Variants in TTLL3 observed in about 807,000 individuals in gnomAD.
TTLL3 encodes the protein tubulin tyrosine ligase like 3.
In TTLL3, 63 loss-of-function variants were observed where a neutral mutation model predicts 75.2. That is an observed-to-expected ratio of 0.84 (90% CI 0.68 to 1.03). The LOEUF (loss-of-function observed/expected upper bound fraction) is 1.03, where lower values mean the gene tolerates loss of function less well. TTLL3 is among the 50% of genes least tolerant of loss of function. The probability of loss-of-function intolerance (pLI) is 0.00; values close to 1 mark genes in which losing one functional copy is unlikely to be tolerated. For synonymous variants in TTLL3, 393 were observed against 418.5 expected, an observed-to-expected ratio of 0.94 and a Z score of 0.74; for missense variants, 997 against 1,069.9, an observed-to-expected ratio of 0.93 and a Z score of 0.95.
At chr3:9,816,523 C>CTTTTCTTTTTTTTTTTTTTTTT (rs2079878083) in intron 5 of TTLL3, among the ~76,000 whole-genome samples, 1 of 103,992 alleles carries the variant, frequency 9.6e-6, no homozygotes, top group South Asian at 3.4e-4. Context: ...ACCTGGGTTT[C>CTTTTCTTTTTTTTTTTTTTTTT]TTTTTTTTTT....
intron 6 of TTLL3, 121 bp from the exon 7 acceptor site, chr3:9,818,699 TAG>T (rs1207033274): frequency 6.4e-7 from 1 of 1,561,948 alleles, no homozygotes; most frequent in African/African-American, 1.4e-5. Context: ...ACTCAGGCTC[TAG>T]AGTCAGAAAA....
intron 6 of TTLL3, 138 bp downstream of exon 6, chr3:9,817,897 A>G: frequency 9.0e-7 from 1 of 1,109,892 alleles, no homozygotes; most frequent in Non-Finnish European, 1.3e-6. Context: ...TCCACCCTCA[A>G]TCCTTATCCT....
intron 8 of TTLL3, among the ~76,000 whole-genome samples, chr3:9,824,523 G>A (rs1025387027): frequency 2.6e-5 from 4 of 152,050 alleles, no homozygotes; most frequent in Non-Finnish European, 4.4e-5. Context: ...TGATTCTCCT[G>A]CCTCAACCTC....
chr3:9,809,773 C>T, upstream of TTLL3: 1 of 371,814 alleles, frequency 2.7e-6, no homozygotes. Context: ...GGGTGAGGCC[C>T]CAGGTCATAA....
intron 11 of TTLL3, among the ~76,000 whole-genome samples, chr3:9,832,050 C>T (rs2081591998): frequency 6.8e-6 from 1 of 147,556 alleles, no homozygotes; most frequent in Admixed American, 6.9e-5. Flanking sequence ...CTTGGCCTCC[C>T]AGAGAGCCAC....
chr3:9,822,751 AT>A (rs1483452030), intron 8 of TTLL3, among the ~76,000 whole-genome samples: 2 of 140,782 alleles, frequency 1.4e-5, no homozygotes, highest in Non-Finnish European at 3.0e-5. Flanking sequence ...ATATTATAAT[AT>A]ATATAATACA....
chr3:9,818,763 G>A, intron 6 of TTLL3, 59 bp from the exon 7 acceptor site: 1 of 1,612,446 alleles, frequency 6.2e-7, no homozygotes, highest in Non-Finnish European at 8.5e-7. Flanking sequence ...TCAGGTTCTG[G>A]AACCAGAACA....
intron 8 of TTLL3, among the ~76,000 whole-genome samples, chr3:9,823,193 C>A (rs951204838): frequency 6.6e-6 from 1 of 151,974 alleles, no homozygotes; most frequent in Non-Finnish European, 1.5e-5. Context: ...ACCATCCTGG[C>A]TAACATGGTG....
Position 9,810,298 on chromosome 3 carries a change from A to C in TTLL3, c.-138A>C. 1 of 1,495,510 alleles carries C rather than the reference A, an allele frequency of 6.7e-7. No homozygotes were observed. The highest frequency in any genetic ancestry group is 1.3e-5 in the South Asian group (1 of 79,828). The allele number at this position is 1,495,510 out of a possible 1,614,324, so 92.6% of individuals were successfully genotyped here. A position where few individuals can be genotyped will look rare whatever the true frequency, so the allele number is the denominator to read the frequency against. ...TGCGCGCCGCCTCAGCGGCGCCTTC[A>C]AGACGCTGGTCCCAGGCACCCACGC... On this transcript the variant is annotated 5_prime_UTR_variant, in exon 1 of 14. Coordinates refer to ENST00000685419, the MANE Select transcript of TTLL3 (RefSeq NM_001387446.1). This position sits in a 1 kb window ranked among gnomAD's most constrained non-coding sequence, Gnocchi z 4.4.
In TTLL3 at chr3:9,835,646, G is replaced by C; in HGVS notation, c.*157G>C. On this transcript the variant is annotated 3_prime_UTR_variant, in exon 14 of 14. Coordinates refer to ENST00000685419, the MANE Select transcript of TTLL3 (RefSeq NM_001387446.1). ...TGAAGAAACTGAGTCTGAAAGAGGAGGCATGGCTTACCCAAGATCACGTGG... is the reference window on the plus strand; with the variant it reads ...TGAAGAAACTGAGTCTGAAAGAGGACGCATGGCTTACCCAAGATCACGTGG... 1.4e-6 allele frequency: 1 copy of C among 735,826 alleles called. No homozygotes were observed. The allele number at this position is 735,826 out of a possible 1,614,324, so 45.6% of individuals were successfully genotyped here. A position where few individuals can be genotyped will look rare whatever the true frequency, so the allele number is the denominator to read the frequency against.
chr3:9,826,193 C>T (rs2081022759), intron 9 of TTLL3, among the ~76,000 whole-genome samples: 2 of 152,184 alleles, frequency 1.3e-5, no homozygotes, highest in South Asian at 4.1e-4. Context: ...TGCAGTCATG[C>T]AGCTAAAGCA....
Position 9,810,278 on chromosome 3 carries a change from G to C in TTLL3, c.-158G>C. 6.7e-7 allele frequency: 1 copy of C among 1,503,566 alleles called. No individual in the cohort carries two copies. The highest frequency in any genetic ancestry group is 2.7e-5 in the East Asian group (1 of 37,152). 93.1% of individuals were successfully genotyped at this position (1,503,566 alleles called of 1,614,324 possible). On this transcript the variant is annotated 5_prime_UTR_variant, in exon 1 of 14. Transcript: ENST00000685419. This position sits in a 1 kb window ranked among gnomAD's most constrained non-coding sequence, Gnocchi z 4.4. ...CAGGCGGGCAGCCCCGCCCCTGCGC[G>C]CCGCCTCAGCGGCGCCTTCAAGACG...
chr3:9,833,377 G>A (rs550138328), intron 12 of TTLL3, 132 bp downstream of exon 12: 185 of 1,402,274 alleles, frequency 1.3e-4, no homozygotes, highest in Middle Eastern at 2.5e-4. Flanking sequence ...GAAAGGCAAG[G>A]CGAAAAGGGC....
chr3:9,823,388 A>G lies in TTLL3; in HGVS notation c.855-2412A>G, dbSNP rs183073765. Among the ~76,000 whole-genome samples, 74 of 149,676 alleles carry G rather than the reference A, an allele frequency of 4.9e-4. 1 individual carries two copies. The Middle Eastern group carries it at 0.017, about 35-fold the overall frequency. On this transcript the variant is annotated intron_variant, in intron 8 of 13. Coordinates refer to ENST00000685419, the MANE Select transcript of TTLL3 (RefSeq NM_001387446.1). ...AACAGAGCGAGACTGTCTCAAAGAA[A>G]AAACAAACAGCCAGTTTTTTTTTTT...
intron 3 of TTLL3, 67 bp from the exon 4 acceptor site, chr3:9,813,181 A>C (rs11708462): frequency 0.16 from 254,279 of 1,609,854 alleles, 21,588 homozygotes; most frequent in African/African-American, 0.24. Context: ...ACTGTCCCAG[A>C]GTTGAGGCCT....
intron 8 of TTLL3, among the ~76,000 whole-genome samples, chr3:9,824,310 T>G (rs1031514944): frequency 5.3e-5 from 8 of 152,202 alleles, no homozygotes; most frequent in African/African-American, 1.9e-4. Flanking sequence ...AAAGCACCTG[T>G]GGGTGGAGGA....
At chr3:9,820,268 C>A in intron 7 of TTLL3, 1 of 1,223,454 alleles carries the variant, frequency 8.2e-7, no homozygotes, top group East Asian at 3.7e-5. Context: ...GTCCCAGGGG[C>A]AGAGAGGCTA....
intron 2 of TTLL3, among the ~76,000 whole-genome samples, chr3:9,811,123 C>G (rs1231526684): frequency 6.6e-6 from 1 of 152,194 alleles, no homozygotes; most frequent in African/African-American, 2.4e-5. Flanking sequence ...GTTCCTCAGC[C>G]ATTAGTGGCC....
In TTLL3 at chr3:9,817,348, C is replaced by T. The variant is rs76207558; in HGVS notation, c.445-297C>T. The T allele has an allele frequency of 1.1e-5, 9 of 811,658 alleles. No homozygotes were observed. The Admixed American group carries it at 1.9e-4, about 17-fold the overall frequency. 50.3% of individuals were successfully genotyped at this position (811,658 alleles called of 1,614,324 possible). On this transcript the variant is annotated intron_variant, in intron 5 of 13. Transcript: ENST00000685419. ...CCGAGGCAGGAGAATGGTGTGAACCCGGGAGGCAGAGCTTACAGTGAGCCG... is the reference window on the plus strand; with the variant it reads ...CCGAGGCAGGAGAATGGTGTGAACCTGGGAGGCAGAGCTTACAGTGAGCCG...
Sources: allele counts gnomAD v4.1 joint callset (sites outside exome capture counted in the v4.1 genomes callset), GRCh38; gene constraint gnomAD v4.1.1; non-coding constraint Gnocchi (gnomAD v3.1); transcripts MANE v1.5; gene names NCBI Gene and HGNC (gene_info 2026-07-23, HGNC 2026-07-21).